PADI4: variants seen among roughly 807,000 people sequenced by gnomAD.
PADI4 encodes peptidyl arginine deiminase 4, also known as protein-arginine deiminase type-4.
In PADI4, 62 loss-of-function variants were observed where a neutral mutation model predicts 75.0. The observed-to-expected ratio is 0.83, with a 90% CI of 0.67 to 1.02. The LOEUF (loss-of-function observed/expected upper bound fraction) is 1.02, where lower values mean the gene tolerates loss of function less well. PADI4 is among the 50% of genes least tolerant of loss of function. PADI4 has a pLI of 0.00. For synonymous variants in PADI4, 361 were observed against 348.1 expected (o/e 1.04, Z -0.41); for missense variants, 845 against 850.5 (o/e 0.99, Z 0.08).
chr1:17,325,998 C>A (rs1274078726), intron 1 of PADI4, among the ~76,000 whole-genome samples: 2 of 152,140 alleles, frequency 1.3e-5, no homozygotes, highest in Non-Finnish European at 2.9e-5. Flanking sequence ...GCCACTGCAC[C>A]CAGCCCCATG....
chr1:17,325,666 C>A (rs2074106106), intron 1 of PADI4, among the ~76,000 whole-genome samples: 1 of 151,418 alleles, frequency 6.6e-6, no homozygotes, highest in Non-Finnish European at 1.5e-5. Flanking sequence ...TTAGAATCAT[C>A]CACACAATGT....
intron 1 of PADI4, among the ~76,000 whole-genome samples, chr1:17,322,899 T>G (rs1351155106): frequency 6.6e-6 from 1 of 152,160 alleles, no homozygotes; most frequent in African/African-American, 2.4e-5. Context: ...CTATCTATAC[T>G]GTGTAACAAA....
At chr1:17,342,488 C>T in intron 8 of PADI4, 86 bp downstream of exon 8, 1 of 789,596 alleles carries the variant, frequency 1.3e-6, no homozygotes, top group South Asian at 1.6e-5. Flanking sequence ...ATGGGAAAAA[C>T]AGTCACCCCT....
chr1:17,347,613 C>T (rs2240339), intron 9 of PADI4, among the ~76,000 whole-genome samples: 55,418 of 151,210 alleles, frequency 0.37, 10,470 homozygotes, highest in East Asian at 0.59. Flanking sequence ...ACCTCCTAAC[C>T]CTGGTGCCCA....
At chr1:17,334,765 T>C (rs569119137) in intron 3 of PADI4, 1 of 364,902 alleles carries the variant, frequency 2.7e-6, no homozygotes, top group Non-Finnish European at 5.4e-6. Context: ...TTATGTAATG[T>C]TCTTCTTTAA....
intron 1 of PADI4, among the ~76,000 whole-genome samples, chr1:17,309,145 TA>T (rs60497625): frequency 0.028 from 3,845 of 138,596 alleles, 142 homozygotes; most frequent in African/African-American, 0.094. Context: ...AGTTCTATGT[TA>T]AAAAAAAAAA....
intron 1 of PADI4, 57 bp from the exon 2 acceptor site, chr1:17,330,912 G>T: frequency 1.7e-6 from 2 of 1,180,132 alleles, no homozygotes; most frequent in South Asian, 3.3e-5. Flanking sequence ...GGAGAGCCAT[G>T]GCTGGCCCAG....
Position 17,308,286 on chromosome 1 carries a change from G to C in PADI4, c.64G>C (p.Gly22Arg). The change falls in exon 1 of 16, where the codon GGC becomes CGC. Residue 22 changes from glycine to arginine, a missense_variant. Coordinates refer to ENST00000375448, the MANE Select transcript of PADI4 (RefSeq NM_012387.3). ...EQPTHAVCVL[G>R]TLTQLDICSS... ...GCCCACCCATGCCGTGTGTGTGCTG[G>C]GCACCTTGACTCAGCTTGACATCTG... The C allele has an allele frequency of 6.2e-7, 1 of 1,614,074 alleles. No homozygotes were observed. Among genetic ancestry groups the C allele is most frequent in the Non-Finnish European group, 8.5e-7 (1 of 1,179,978 alleles).
intron 7 of PADI4, 26 bp from the exon 8 acceptor site, chr1:17,342,273 C>T: frequency 1.3e-6 from 2 of 1,501,950 alleles, no homozygotes; most frequent in South Asian, 2.3e-5. Context: ...GACAGCCCCT[C>T]CTTCCCCTTA....
chr1:17,325,125 A>G (rs1179993777), intron 1 of PADI4, among the ~76,000 whole-genome samples: 2 of 152,116 alleles, frequency 1.3e-5, no homozygotes, highest in Non-Finnish European at 2.9e-5. Context: ...TTAAAAATCA[A>G]CTTGTCAAGT....
At chr1:17,337,138 T>C (rs1053335303) in intron 4 of PADI4, among the ~76,000 whole-genome samples, 9 of 100,326 alleles carry the variant, frequency 9.0e-5, no homozygotes, top group African/African-American at 3.1e-4. Context: ...TATTTATTTA[T>C]TTATGTATTT....
chr1:17,317,491 G>A (rs1422220122), intron 1 of PADI4, among the ~76,000 whole-genome samples: 29 of 149,076 alleles, frequency 1.9e-4, no homozygotes, highest in Non-Finnish European at 3.9e-4. Flanking sequence ...GGCTGGTCTC[G>A]AACTCCTGAC....
At position 17,354,601 on chromosome 1, in the gene PADI4, G is replaced by A. The variant is rs138375185; in HGVS notation, c.1224G>A (p.Gly408=). ...TGGISGLDSF[G]NLEVSPPVTV... is the part of the protein sequence containing the mutation. ...GTATCAGTGGACTGGACTCCTTTGG[G>A]AACCTGGAAGTGAGCCCCCCAGTCA... Residue 408 remains glycine (G), a synonymous_variant, in exon 11 of 16, where the codon GGG becomes GGA. Coordinates refer to ENST00000375448, the MANE Select transcript of PADI4 (RefSeq NM_012387.3). The A allele has an allele frequency of 2.0e-3, 3,151 of 1,614,158 alleles. 21 individuals are homozygous for A. The Middle Eastern group carries it at 0.021, about 11-fold the overall frequency.
chr1:17,360,525 A>G (rs1333779956), intron 15 of PADI4, among the ~76,000 whole-genome samples: 1 of 152,158 alleles, frequency 6.6e-6, no homozygotes, highest in Non-Finnish European at 1.5e-5. Context: ...AGGGTGCTCT[A>G]TACAGGCTTG....
chr1:17,309,368 G>T (rs2073737473), intron 1 of PADI4, among the ~76,000 whole-genome samples: 1 of 152,088 alleles, frequency 6.6e-6, no homozygotes, highest in Non-Finnish European at 1.5e-5. Context: ...ATAATATAAT[G>T]CATGTCTCAA....
intron 4 of PADI4, among the ~76,000 whole-genome samples, chr1:17,336,858 G>A (rs1291852762): frequency 6.6e-6 from 1 of 152,156 alleles, no homozygotes; most frequent in African/African-American, 2.4e-5. Flanking sequence ...TACAACTCTA[G>A]GAGTAGAATC....
intron 1 of PADI4, among the ~76,000 whole-genome samples, chr1:17,313,409 G>A (rs1195040374): frequency 1.5e-5 from 2 of 135,742 alleles, no homozygotes; most frequent in African/African-American, 5.5e-5. Context: ...GCTGAGGCAC[G>A]AGAATTGCTT....
rs774627023 is a variant in PADI4 at position 17,334,021 on chromosome 1, C to T, written c.340+12C>T. On this transcript the variant is annotated intron_variant, in intron 3 of 15. Coordinates refer to ENST00000375448, the MANE Select transcript of PADI4 (RefSeq NM_012387.3). The stretch of plus-strand genomic sequence containing the variant: ...CCTCACCGGGGTGGGTAAGTGACAA[C>T]CAGGATCCTAGAGTGCCGTCTCATC... 6.3e-7 allele frequency: 1 copy of T among 1,581,644 alleles called. No homozygotes were observed. The highest frequency in any genetic ancestry group is 8.7e-7 in the Non-Finnish European group (1 of 1,150,240).
At chr1:17,318,853 T>C (rs992455775) in intron 1 of PADI4, among the ~76,000 whole-genome samples, 1 of 151,262 alleles carries the variant, frequency 6.6e-6, no homozygotes, top group Non-Finnish European at 1.5e-5. Context: ...TCCCGGCTAA[T>C]TTTTTTTTGT....
Sources: gnomAD v4.1 joint callset for allele counts (sites outside exome capture counted in the v4.1 genomes callset) on GRCh38, gnomAD v4.1.1 for gene constraint, MANE v1.5 for transcripts, NCBI Gene and HGNC (gene_info 2026-07-23, HGNC 2026-07-21) for gene names.